RBX1: variants seen among roughly 807,000 people sequenced by gnomAD.
RBX1 encodes the protein ring-box 1, also known as E3 ubiquitin-protein ligase RBX1.
For synonymous variants in RBX1, 48 were observed against 47.9 expected (o/e 1.00, Z -0.01); for missense variants, 46 against 141.4 (o/e 0.33, Z 3.42).
At chr22:40,963,542 A>T (rs1483577670) in intron 2 of RBX1, among the ~76,000 whole-genome samples, 2 of 152,120 alleles carry the variant, frequency 1.3e-5, no homozygotes. Context: ...AGTCTGAGAC[A>T]CGAGAATCGC....
chr22:40,968,893 T>A (rs1475659713), intron 4 of RBX1, among the ~76,000 whole-genome samples: 1 of 152,158 alleles, frequency 6.6e-6, no homozygotes, highest in Non-Finnish European at 1.5e-5. Flanking sequence ...ATTTTCCATT[T>A]CCACAAATAA....
At chr22:40,962,258 T>C (rs371928405) in intron 2 of RBX1, among the ~76,000 whole-genome samples, 2 of 151,512 alleles carry the variant, frequency 1.3e-5, no homozygotes, top group South Asian at 2.1e-4. Context: ...TGTACCACCA[T>C]GCACCACTAA....
At chr22:40,952,457 CAGCCAGCAG>C (rs2058313735) in intron 1 of RBX1, among the ~76,000 whole-genome samples, 1 of 152,188 alleles carries the variant, frequency 6.6e-6, no homozygotes, top group African/African-American at 2.4e-5. Context: ...TGCTCAGTTA[CAGCCAGCAG>C]CCATATTGAA....
chr22:40,968,847 AC>A (rs1238341795), intron 4 of RBX1, among the ~76,000 whole-genome samples: 1 of 137,148 alleles, frequency 7.3e-6, no homozygotes, highest in African/African-American at 2.7e-5. Context: ...ACAGTAATTC[AC>A]CTTTTTTTTT....
At position 40,951,431 on chromosome 22, in the gene RBX1, C is replaced by T; in HGVS notation, c.33C>T (p.Ser11=). 2 of 1,613,490 alleles carry T rather than the reference C, an allele frequency of 1.2e-6. No individual in the cohort carries two copies. Among genetic ancestry groups the T allele is most frequent in the South Asian group, 1.1e-5 (1 of 91,060 alleles). Residue 11 remains serine, a synonymous_variant, in exon 1 of 5, where the codon AGC becomes AGT. Coordinates refer to ENST00000216225, the MANE Select transcript of RBX1 (RefSeq NM_014248.4). ...CAGCGATGGATGTGGATACCCCGAGCGGCACCAACAGCGGCGCGGGCAAGA... is the reference window on the plus strand; with the variant it reads ...CAGCGATGGATGTGGATACCCCGAGTGGCACCAACAGCGGCGCGGGCAAGA... MAAAMDVDTP[S]GTNSGAGKKR...
At chr22:40,953,505 G>A (rs772142319) in intron 1 of RBX1, 50 bp from the exon 2 acceptor site, 2 of 1,151,412 alleles carry the variant, frequency 1.7e-6, no homozygotes, top group Admixed American at 1.7e-5. Context: ...TAAAGAGTAT[G>A]TGTGTGTGTT....
chr22:40,964,062 C>G lies in RBX1; in HGVS notation c.173C>G (p.Ala58Gly). ...GTTCCCACAGGCATAGAATGTCAAG[C>G]TAACCAGGCGTCCGCTACTTCAGAA... ...HIMDLCIECQ[A>G]NQASATSEEC... Residue 58 changes from alanine (A) to glycine (G), a missense_variant, in exon 3 of 5, where the codon GCT becomes GGT. Transcript: ENST00000216225. 1 of 1,614,030 alleles carries G rather than the reference C, an allele frequency of 6.2e-7. No homozygotes were observed. The highest frequency in any genetic ancestry group is 1.7e-5 in the Admixed American group (1 of 60,014).
intron 2 of RBX1, among the ~76,000 whole-genome samples, chr22:40,961,420 T>C (rs1326586375): frequency 1.3e-5 from 2 of 151,780 alleles, no homozygotes; most frequent in African/African-American, 2.4e-5. Flanking sequence ...ATTATTTTTA[T>C]TTTTATTTTT....
At chr22:40,969,041 C>T (rs1339590233) in intron 4 of RBX1, among the ~76,000 whole-genome samples, 3 of 152,182 alleles carry the variant, frequency 2.0e-5, no homozygotes, top group Non-Finnish European at 2.9e-5. Context: ...TGGCCAGGCA[C>T]GGTGGCTCAC....
chr22:40,953,369 G>A lies in RBX1; in HGVS notation c.79-186G>A, dbSNP rs543580678. On this transcript the variant is annotated intron_variant, in intron 1 of 4. Coordinates refer to ENST00000216225, the MANE Select transcript of RBX1 (RefSeq NM_014248.4). Reference sequence around the variant, plus strand: ...GTGTTCATATACTCAGCCTTTTGGAGAATAGAACATACGTGTAGTCTACTG... The same window carrying A: ...GTGTTCATATACTCAGCCTTTTGGAAAATAGAACATACGTGTAGTCTACTG... Among the ~76,000 whole-genome samples, 15 of 152,326 alleles carry A rather than the reference G, an allele frequency of 9.8e-5. No homozygotes were observed. In the South Asian group the frequency reaches 2.7e-3, roughly 27 times the overall value.
intron 2 of RBX1, among the ~76,000 whole-genome samples, chr22:40,958,270 A>G (rs1282704115): frequency 6.6e-6 from 1 of 151,758 alleles, no homozygotes; most frequent in Non-Finnish European, 1.5e-5. Context: ...ACACACTTTT[A>G]TTATAGACAC....
Position 40,951,393 on chromosome 22 carries a change from T to TAAC in RBX1, c.-6_-5insAAC, listed in dbSNP as rs1569041172. On this transcript the variant is annotated 5_prime_UTR_variant, in exon 1 of 5. Transcript: ENST00000216225. ...GTGGTCGGACGACAGACCGTGTGTT[T>TAAC]CCAAAATGGCGGCAGCGATGGATGT... 1.2e-6 allele frequency: 2 copies of TAAC among 1,612,530 alleles called. No homozygotes were observed. Among genetic ancestry groups the TAAC allele is most frequent in the Non-Finnish European group, 1.7e-6 (2 of 1,179,112 alleles).
At chr22:40,957,830 AT>A (rs1041340481) in intron 2 of RBX1, among the ~76,000 whole-genome samples, 113 of 144,848 alleles carry the variant, frequency 7.8e-4, no homozygotes, top group Non-Finnish European at 7.2e-4. Flanking sequence ...CACCTAGCTA[AT>A]TTTTTTTTTT....
chr22:40,959,704 G>A (rs1372457608), intron 2 of RBX1, among the ~76,000 whole-genome samples: 1 of 152,146 alleles, frequency 6.6e-6, no homozygotes, highest in Admixed American at 6.5e-5. Flanking sequence ...CCAGCTACTT[G>A]GGAGGCTGAG....
Position 40,972,651 on chromosome 22 carries a change from G to C in RBX1, c.*163G>C. On this transcript the variant is annotated 3_prime_UTR_variant, in exon 5 of 5. Transcript: ENST00000216225. ...TGTATTCTGTGTCAAATAAAGTCCA[G>C]TTGGATTCTGGAACGGATGCTCTCT... 1 of 601,294 alleles carries C rather than the reference G, an allele frequency of 1.7e-6. No individual in the cohort carries two copies. The highest frequency in any genetic ancestry group is 2.8e-5 in the East Asian group (1 of 35,450). 37.2% of individuals were successfully genotyped at this position (601,294 alleles called of 1,614,324 possible). A position where few individuals can be genotyped will look rare whatever the true frequency, so the allele number is the denominator to read the frequency against.
chr22:40,961,081 C>CTTTTTTTTTTTTTTTTTT (rs61092253), intron 2 of RBX1, among the ~76,000 whole-genome samples: 7 of 107,666 alleles, frequency 6.5e-5, no homozygotes, highest in African/African-American at 1.8e-4. Flanking sequence ...CGTGCCTGGC[C>CTTTTTTTTTTTTTTTTTT]TTTTTTTTTT....
chr22:40,957,638 A>T (rs1364508114), intron 2 of RBX1, among the ~76,000 whole-genome samples: 1 of 152,144 alleles, frequency 6.6e-6, no homozygotes, highest in Non-Finnish European at 1.5e-5. Context: ...ACCCTATCTC[A>T]AAAAGAGAAA....
intron 4 of RBX1, among the ~76,000 whole-genome samples, chr22:40,968,085 CTTTTTTTTTTTT>C (rs938566744): frequency 6.3e-5 from 7 of 111,206 alleles, no homozygotes; most frequent in African/African-American, 2.4e-4. Context: ...GTTTCCCAAC[CTTTTTTTTTTTT>C]TTTTTTTTTT....
intron 2 of RBX1, among the ~76,000 whole-genome samples, chr22:40,955,260 CTTT>C (rs776549895): frequency 7.2e-6 from 1 of 138,888 alleles, no homozygotes. Flanking sequence ...TTTCTTTTTC[CTTT>C]TTTTTTTTTT....
Sources: gnomAD v4.1 joint callset for allele counts (sites outside exome capture counted in the v4.1 genomes callset) on GRCh38, gnomAD v4.1.1 for gene constraint, MANE v1.5 for transcripts, NCBI Gene and HGNC (gene_info 2026-07-23, HGNC 2026-07-21) for gene names.